The following TLL1 variants were observed in gnomAD, a reference collection of about 807,000 sequenced individuals.
TLL1 encodes the protein tolloid-like protein 1.
Under a neutral mutation model 128.2 loss-of-function variants are expected in TLL1, and 49 were observed. The observed-to-expected ratio is 0.38, with a 90% CI of 0.30 to 0.48. The LOEUF is 0.48. Ranked by LOEUF, TLL1 falls within the 20% of genes least tolerant of loss-of-function variation. The pLI is 0.96. For synonymous variants in TLL1, 454 were observed against 418.8 expected (o/e 1.08, Z -1.03); for missense variants, 1,123 against 1,242.0 (o/e 0.90, Z 1.44).
intron 16 of TLL1, among the ~76,000 whole-genome samples, chr4:166,069,245 T>C (rs1740706371): frequency 6.6e-6 from 1 of 151,700 alleles, no homozygotes; most frequent in Non-Finnish European, 1.5e-5. Flanking sequence ...TTGTATACAT[T>C]AATCAAGAGA....
At chr4:166,003,667 A>G (rs779767529) in intron 6 of TLL1, 98 bp downstream of exon 6, 17 of 1,204,560 alleles carry the variant, frequency 1.4e-5, no homozygotes, top group Non-Finnish European at 2.1e-5. Context: ...ATGTAAACTG[A>G]TATTTTTGAT....
At chr4:166,047,823 C>T (rs7663456) in intron 12 of TLL1, among the ~76,000 whole-genome samples, 18,227 of 152,098 alleles carry the variant, frequency 0.12, 1,147 homozygotes, top group African/African-American at 0.17. Flanking sequence ...ATGTTTGTGT[C>T]TACCCAAAAT....
intron 1 of TLL1, among the ~76,000 whole-genome samples, chr4:165,980,763 T>A (rs1278257900): frequency 6.6e-6 from 1 of 152,078 alleles, no homozygotes; most frequent in East Asian, 1.9e-4. Context: ...AGAGCCTACT[T>A]GATGTTGTTA....
At chr4:166,073,787 A>G (rs1169764277) in intron 16 of TLL1, among the ~76,000 whole-genome samples, 1 of 152,150 alleles carries the variant, frequency 6.6e-6, no homozygotes, top group Non-Finnish European at 1.5e-5. Context: ...CATGGAATGA[A>G]TATTGAATTG....
intron 1 of TLL1, among the ~76,000 whole-genome samples, chr4:165,955,140 G>A (rs1249368014): frequency 1.3e-5 from 2 of 152,044 alleles, no homozygotes; most frequent in African/African-American, 2.4e-5. Context: ...GGTGGAATCA[G>A]TAACAACAGA....
intron 1 of TLL1, among the ~76,000 whole-genome samples, chr4:165,970,054 T>A (rs1051667056): frequency 5.3e-5 from 8 of 152,164 alleles, no homozygotes; most frequent in African/African-American, 1.9e-4. Context: ...GCTAAATAAG[T>A]CTCATTACTT....
chr4:165,949,951 T>C (rs1304801793), intron 1 of TLL1, among the ~76,000 whole-genome samples: 1 of 152,082 alleles, frequency 6.6e-6, no homozygotes, highest in East Asian at 1.9e-4. Context: ...TAAATGTAAA[T>C]GATCTAGCCA....
chr4:166,061,245 T>C (rs1346569301), intron 15 of TLL1, among the ~76,000 whole-genome samples: 1 of 52,260 alleles, frequency 1.9e-5, no homozygotes, highest in Non-Finnish European at 3.4e-5. Flanking sequence ...TTCCTTTTTT[T>C]TTTTTCTTTT....
intron 1 of TLL1, among the ~76,000 whole-genome samples, chr4:165,937,680 TC>T (rs1733824328): frequency 6.6e-6 from 1 of 152,148 alleles, no homozygotes; most frequent in Admixed American, 6.5e-5. Flanking sequence ...AAATTTGGTC[TC>T]CAGTAGATTT....
intron 9 of TLL1, among the ~76,000 whole-genome samples, chr4:166,026,824 A>C (rs188012816): frequency 6.6e-6 from 1 of 152,268 alleles, no homozygotes; most frequent in Admixed American, 6.5e-5. Context: ...AGAACCATAG[A>C]GTCTTTAGAC....
chr4:165,919,582 A>T (rs1313308965), intron 1 of TLL1, among the ~76,000 whole-genome samples: 1 of 152,112 alleles, frequency 6.6e-6, no homozygotes, highest in East Asian at 1.9e-4. Context: ...ATGGAGTTGT[A>T]ATATTATCAC....
intron 1 of TLL1, among the ~76,000 whole-genome samples, chr4:165,943,936 T>C (rs1734131629): frequency 6.6e-6 from 1 of 152,180 alleles, no homozygotes; most frequent in Non-Finnish European, 1.5e-5. Flanking sequence ...TGGTTGTACA[T>C]ACACATTTTT....
At chr4:165,987,779 G>T (rs942039102) in intron 1 of TLL1, among the ~76,000 whole-genome samples, 4 of 151,960 alleles carry the variant, frequency 2.6e-5, no homozygotes, top group Admixed American at 6.6e-5. Flanking sequence ...TTTGATCAAA[G>T]CCTAAAACAT....
rs762132837 is a variant in TLL1 at position 166,100,886 on chromosome 4, C to T, written c.*10C>T. Reference sequence around the variant, plus strand: ...ACATACCAAAAAATAACACCAAAACCTCTGTCAGAACACAAAGGAATGTGC... The same window carrying T: ...ACATACCAAAAAATAACACCAAAACTTCTGTCAGAACACAAAGGAATGTGC... On this transcript the variant is annotated 3_prime_UTR_variant, in exon 21 of 21. Coordinates refer to ENST00000061240, the MANE Select transcript of TLL1 (RefSeq NM_012464.5). 8 of 1,611,906 alleles carry T rather than the reference C, an allele frequency of 5.0e-6. No individual in the cohort carries two copies. Among genetic ancestry groups the T allele is most frequent in the Admixed American group, 1.7e-5 (1 of 59,820 alleles).
chr4:165,994,980 C>T, intron 4 of TLL1, 81 bp from the exon 5 acceptor site: 1 of 1,164,358 alleles, frequency 8.6e-7, no homozygotes, highest in South Asian at 1.3e-5. Flanking sequence ...ACTGCTCAGC[C>T]AGACTTAGGG....
chr4:166,093,907 T>A (rs1741898975), intron 19 of TLL1, among the ~76,000 whole-genome samples: 1 of 152,130 alleles, frequency 6.6e-6, no homozygotes, highest in East Asian at 1.9e-4. Flanking sequence ...ATACAACATA[T>A]GTTTTTGTGA....
intron 19 of TLL1, among the ~76,000 whole-genome samples, chr4:166,094,440 A>G (rs552131648): frequency 1.3e-3 from 191 of 152,192 alleles, no homozygotes; most frequent in African/African-American, 4.2e-3. Context: ...TTTTCAAAAT[A>G]TATAAGTGAC....
At chr4:165,953,839 A>G (rs900670349) in intron 1 of TLL1, among the ~76,000 whole-genome samples, 1 of 152,084 alleles carries the variant, frequency 6.6e-6, no homozygotes, top group African/African-American at 2.4e-5. Context: ...AATTATAATT[A>G]CATTGGAAAC....
intron 1 of TLL1, among the ~76,000 whole-genome samples, chr4:165,927,251 T>C (rs918834003): frequency 6.6e-6 from 1 of 152,214 alleles, no homozygotes; most frequent in Non-Finnish European, 1.5e-5. Context: ...GTAATTTTAT[T>C]TCCGTAGGCG....
Sources: gnomAD v4.1 joint callset for allele counts (sites outside exome capture counted in the v4.1 genomes callset) on GRCh38, gnomAD v4.1.1 for gene constraint, MANE v1.5 for transcripts, NCBI Gene and HGNC (gene_info 2026-07-23, HGNC 2026-07-21) for gene names.